Variants in LETM2 observed in about 807,000 individuals in gnomAD.
The protein encoded by LETM2 is LETM1 domain-containing protein LETM2, mitochondrial.
Under a neutral mutation model 59.6 loss-of-function variants are expected in LETM2, and 58 were observed. That is an observed-to-expected ratio of 0.97 (90% CI 0.79 to 1.21). The LOEUF (loss-of-function observed/expected upper bound fraction) is 1.21, where lower values mean the gene tolerates loss of function less well. Among genes scored for constraint, LETM2 ranks in the 50% most tolerant of loss-of-function variants. The pLI, the probability that LETM2 is intolerant of heterozygous loss-of-function variation, is 0.00. For missense variants in LETM2, 572 were observed against 575.7 expected (o/e 0.99, Z 0.07); for synonymous variants, 199 against 214.1 (o/e 0.93, Z 0.62).
rs1491515090 is a variant in LETM2, at chr8:38,391,210, ACC to A, written c.48-1331_48-1330del. 4.8e-3 allele frequency among the ~76,000 whole-genome samples: 677 copies of A among 141,562 alleles called. 4 individuals are homozygous for A. Among genetic ancestry groups the A allele is most frequent in the African/African-American group, 6.1e-3 (226 of 37,170 alleles). The allele number at this position is 141,562 out of a possible 152,430, so 92.9% of individuals were successfully genotyped here. A position where few individuals can be genotyped will look rare whatever the true frequency, so the allele number is the denominator to read the frequency against. The stretch of plus-strand genomic sequence containing the variant: ...AAAAAAAAAAAAAACAAAAAAAAAA[ACC>A]AAAAAACTGAAAGAATGGAAAAAGA... On this transcript the variant is annotated intron_variant, in intron 2 of 10. Transcript: ENST00000379957.
chr8:38,408,024 A>G (rs1813871831), intron 10 of LETM2, 188 bp from the exon 11 acceptor site: 1 of 541,720 alleles, frequency 1.8e-6, no homozygotes, highest in Non-Finnish European at 3.3e-6. Context: ...AGCCCAGAAA[A>G]GCATCCCAAG....
At chr8:38,400,803 AAATT>A (rs781186592) in intron 5 of LETM2, 46 bp from the exon 6 acceptor site, 1 of 1,518,592 alleles carries the variant, frequency 6.6e-7, no homozygotes, top group Non-Finnish European at 9.0e-7. Context: ...TGGGAAAGTT[AAATT>A]AAGTAGAAAA....
chr8:38,388,236 C>A (rs537224427), intron 2 of LETM2, among the ~76,000 whole-genome samples: 1 of 151,954 alleles, frequency 6.6e-6, no homozygotes, highest in Non-Finnish European at 1.5e-5. Context: ...TTTGCCACCA[C>A]CTCCGGCTAA....
chr8:38,405,857 G>T (rs1813672944), intron 8 of LETM2, among the ~76,000 whole-genome samples: 1 of 152,212 alleles, frequency 6.6e-6, no homozygotes, highest in Non-Finnish European at 1.5e-5. Flanking sequence ...TCCAGATGTT[G>T]CTTTCTGGAG....
At chr8:38,405,996 T>G (rs747331475) in intron 8 of LETM2, among the ~76,000 whole-genome samples, 1 of 152,214 alleles carries the variant, frequency 6.6e-6, no homozygotes, top group Admixed American at 6.5e-5. Flanking sequence ...CATGCTAGGT[T>G]CTGTGAAGAA....
In LETM2 at chr8:38,408,557, A is replaced by C. The variant is rs988586711; in HGVS notation, c.*283A>C. On this transcript the variant is annotated 3_prime_UTR_variant, in exon 11 of 11. Transcript: ENST00000379957. Reference sequence around the variant, plus strand: ...CCACCCCCCATCATGTTGTTTTTTTAGTTTCATGTGTACGTCCCTTCAGAG... The same window carrying C: ...CCACCCCCCATCATGTTGTTTTTTTCGTTTCATGTGTACGTCCCTTCAGAG... 4 of 306,336 alleles carry C rather than the reference A, an allele frequency of 1.3e-5. No homozygotes were observed. The Admixed American group carries it at 1.9e-4, about 15-fold the overall frequency. 19.0% of individuals were successfully genotyped at this position (306,336 alleles called of 1,614,324 possible).
At chr8:38,407,994 A>G (rs1366592064) in intron 10 of LETM2, 1 of 504,278 alleles carries the variant, frequency 2.0e-6, no homozygotes, top group African/African-American at 2.0e-5. Context: ...CAGAGAATCT[A>G]TGAAGACACA....
In LETM2 at chr8:38,388,046, AC is replaced by A; in HGVS notation, c.47+22del. The A allele has an allele frequency of 4.8e-6, 7 of 1,466,376 alleles. No homozygotes were observed. The highest frequency in any genetic ancestry group is 1.2e-5 in the South Asian group (1 of 80,340). The allele number at this position is 1,466,376 out of a possible 1,614,324, so 90.8% of individuals were successfully genotyped here. A position where few individuals can be genotyped will look rare whatever the true frequency, so the allele number is the denominator to read the frequency against. On this transcript the variant is annotated intron_variant, in intron 2 of 10. Transcript: ENST00000379957. ...CTCGAACAAGGTAAGCATTGGAGTTACCCCCCAATATGAACGTAATTCTTCT... is the reference window on the plus strand; with the variant it reads ...CTCGAACAAGGTAAGCATTGGAGTTACCCCCAATATGAACGTAATTCTTCT...
At chr8:38,386,908 T>G (rs1345270476) in intron 1 of LETM2, 1 of 152,328 alleles carries the variant, frequency 6.6e-6, no homozygotes, top group Non-Finnish European at 1.5e-5. Flanking sequence ...CTGTCCCACC[T>G]CCGCACCAGA....
Position 38,408,506 on chromosome 8 carries a change from T to C in LETM2, c.*232T>C. 1 of 446,276 alleles carries C rather than the reference T, an allele frequency of 2.2e-6. No individual in the cohort carries two copies. Among genetic ancestry groups the C allele is most frequent in the East Asian group, 3.9e-5 (1 of 25,940 alleles). The allele number at this position is 446,276 out of a possible 1,614,324, so 27.6% of individuals were successfully genotyped here. A position where few individuals can be genotyped will look rare whatever the true frequency, so the allele number is the denominator to read the frequency against. On this transcript the variant is annotated 3_prime_UTR_variant, in exon 11 of 11. Coordinates refer to ENST00000379957, the MANE Select transcript of LETM2 (RefSeq NM_001286819.2). ...AAGTCCCATTTCCTCTGTACCATTG[T>C]CACCCCACTCAACTTTGTATAAAGC...
intron 4 of LETM2, among the ~76,000 whole-genome samples, chr8:38,396,803 C>T (rs1040255206): frequency 1.3e-5 from 2 of 151,948 alleles, no homozygotes; most frequent in African/African-American, 4.8e-5. Context: ...TTCCCAGCTA[C>T]TTGGGAGGCT....
intron 8 of LETM2, chr8:38,404,749 G>A: frequency 2.4e-6 from 1 of 413,440 alleles, no homozygotes; most frequent in Non-Finnish European, 4.5e-6. Context: ...GGAGGCCGAG[G>A]TAGGTGGATC....
At chr8:38,394,823 G>A (rs1240657094) in intron 4 of LETM2, among the ~76,000 whole-genome samples, 1 of 148,414 alleles carries the variant, frequency 6.7e-6, no homozygotes, top group Non-Finnish European at 1.5e-5. Flanking sequence ...GAGGCACTGG[G>A]TGACAGGGGG....
At position 38,404,405 on chromosome 8, in the gene LETM2, C is replaced by T; in HGVS notation, c.1117C>T (p.His373Tyr). Residue 373 changes from histidine to tyrosine, a missense_variant, in exon 8 of 11, where the codon CAC (histidine) becomes TAC (tyrosine). Coordinates refer to ENST00000379957, the MANE Select transcript of LETM2 (RefSeq NM_001286819.2). ...RQQLTEWQDL[H>Y]LKENVPPSLL... The stretch of plus-strand genomic sequence containing the variant: ...TCCCGTTCTCCAGTGGCAGGACCTC[C>T]ACCTGAAGGAGAACGTCCCTCCTTC... 1.2e-6 allele frequency: 2 copies of T among 1,612,708 alleles called. No homozygotes were observed. Among genetic ancestry groups the T allele is most frequent in the Non-Finnish European group, 1.7e-6 (2 of 1,178,728 alleles).
At position 38,408,214 on chromosome 8, in the gene LETM2, A is replaced by G; in HGVS notation, c.1416A>G (p.Thr472=). The change falls in exon 11 of 11, where the codon ACA becomes ACG. Residue 472 remains threonine, a splice_region_variant and synonymous_variant. Coordinates refer to ENST00000379957, the MANE Select transcript of LETM2 (RefSeq NM_001286819.2). ...KGPITSSEEP[T]LQAKSQMTAQ... ...CAGTCCTTGTTTTTTACGCCTAGAC[A>G]CTCCAGGCCAAATCACAAATGACGG... is the stretch of plus-strand genomic sequence containing the variant. 6.2e-7 allele frequency: 1 copy of G among 1,612,222 alleles called. No homozygotes were observed. Among genetic ancestry groups the G allele is most frequent in the Non-Finnish European group, 8.5e-7 (1 of 1,179,108 alleles).
chr8:38,388,977 G>A (rs933063528), intron 2 of LETM2, among the ~76,000 whole-genome samples: 1 of 152,004 alleles, frequency 6.6e-6, no homozygotes, highest in African/African-American at 2.4e-5. Context: ...TGTTGGCCAG[G>A]CTGGTCTTGA....
At chr8:38,406,476 G>T (rs943207702) in intron 8 of LETM2, 1 of 152,674 alleles carries the variant, frequency 6.5e-6, no homozygotes. Context: ...GGTAGTAGAC[G>T]CCTGTAATCC....
At chr8:38,391,539 C>T (rs1298567360) in intron 2 of LETM2, among the ~76,000 whole-genome samples, 2 of 151,634 alleles carry the variant, frequency 1.3e-5, no homozygotes, top group Non-Finnish European at 1.5e-5. Flanking sequence ...TTGATCCGCC[C>T]GCCTTGGCCT....
At position 38,387,987 on chromosome 8, in the gene LETM2, G is replaced by A. The variant is rs769324819; in HGVS notation, c.4G>A (p.Ala2Thr). 2.0e-6 allele frequency: 3 copies of A among 1,528,472 alleles called. No individual in the cohort carries two copies. The South Asian group carries it at 3.6e-5, about 18-fold the overall frequency. 94.7% of individuals were successfully genotyped at this position (1,528,472 alleles called of 1,614,324 possible). A position where few individuals can be genotyped will look rare whatever the true frequency, so the allele number is the denominator to read the frequency against. ...ACTACTTGAGACAAAAATAAATATG[G>A]CCTTCTACAGTTATAATTCAGTTCT... MAFYSYNSVLAI... is the reference protein window; with the variant it reads MTFYSYNSVLAI... The change falls in exon 2 of 11, where the codon GCC (alanine) becomes ACC (threonine). Residue 2 changes from alanine (A) to threonine (T), a missense_variant. Physicochemically the swap from Ala to Thr is moderately conservative, Grantham distance 58 (BLOSUM62 0). Transcript: ENST00000379957.
Sources: gnomAD v4.1 joint callset for allele counts (sites outside exome capture counted in the v4.1 genomes callset) on GRCh38, gnomAD v4.1.1 for gene constraint, MANE v1.5 for transcripts, NCBI Gene and HGNC (gene_info 2026-07-23, HGNC 2026-07-21) for gene names.